Variants in CIITA observed in about 807,000 individuals in gnomAD.
The protein encoded by CIITA is MHC class II transactivator.
In CIITA, 72 loss-of-function variants were observed where a neutral mutation model predicts 115.1. That is an observed-to-expected ratio of 0.63 (90% CI 0.52 to 0.76). The LOEUF is 0.76. Among genes scored for constraint, CIITA ranks in the 30% least tolerant of loss-of-function variants. The pLI is 0.00. For synonymous variants in CIITA, 763 were observed against 635.6 expected, an observed-to-expected ratio of 1.20 and a Z score of -3.02; for missense variants, 1,617 against 1,463.8, an observed-to-expected ratio of 1.10 and a Z score of -1.71.
At chr16:10,912,903 A>G (rs1366161113) in intron 13 of CIITA, among the ~76,000 whole-genome samples, 2 of 152,250 alleles carry the variant, frequency 1.3e-5, no homozygotes, top group Non-Finnish European at 2.9e-5. Flanking sequence ...GCATTTTCTC[A>G]GGCTTCTACT....
Position 10,906,758 on chromosome 16 carries a change from T to C in CIITA, c.1266T>C (p.Ala422=), listed in dbSNP as rs766625949. The stretch of plus-strand genomic sequence containing the variant: ...GAGTGATTGCTGTGCTGGGCAAAGC[T>C]GGTCAGGGCAAGAGCTATTGGGCTG... ...ETRVIAVLGK[A]GQGKSYWAGA... is the part of the protein sequence containing the mutation. Residue 422 remains alanine, a synonymous_variant, in exon 11 of 20, where the codon GCT becomes GCC. Coordinates refer to ENST00000324288, the MANE Select transcript of CIITA (RefSeq NM_000246.4). 1.9e-6 allele frequency: 3 copies of C among 1,610,902 alleles called. No individual in the cohort carries two copies. Among genetic ancestry groups the C allele is most frequent in the South Asian group, 1.1e-5 (1 of 91,064 alleles).
upstream of CIITA, among the ~76,000 whole-genome samples, chr16:10,874,120 A>G (rs961032993): frequency 2.6e-5 from 4 of 152,058 alleles, no homozygotes; most frequent in African/African-American, 7.2e-5. Flanking sequence ...AGTAACTGGG[A>G]TTACAGGCGT....
intron 1 of CIITA, among the ~76,000 whole-genome samples, chr16:10,871,127 C>G (rs998404397): frequency 6.6e-6 from 1 of 152,214 alleles, no homozygotes. Context: ...CCGGGCGCCC[C>G]GCCTCAGTTT....
intron 8 of CIITA, among the ~76,000 whole-genome samples, chr16:10,903,076 T>A (rs60460908): frequency 0.065 from 9,881 of 152,276 alleles, 580 homozygotes; most frequent in East Asian, 0.3. Context: ...TTATTTTTTT[T>A]AAATGTTTTT....
chr16:10,917,067 T>A (rs979503353), intron 15 of CIITA: 2 of 225,394 alleles, frequency 8.9e-6, no homozygotes, highest in African/African-American at 4.5e-5. Context: ...ATAGGAGAGA[T>A]AGATTAGGAT....
At position 10,924,613 on chromosome 16, in the gene CIITA, G is replaced by GCAAC. The variant is rs1451262504; in HGVS notation, c.*760_*763dup. 1 of 152,212 alleles carries GCAAC rather than the reference G, an allele frequency of 6.6e-6. No individual in the cohort carries two copies. Among genetic ancestry groups the GCAAC allele is most frequent in the Non-Finnish European group, 1.5e-5 (1 of 68,048 alleles). 9.4% of individuals were successfully genotyped at this position (152,212 alleles called of 1,614,324 possible). A position where few individuals can be genotyped will look rare whatever the true frequency, so the allele number is the denominator to read the frequency against. On this transcript the variant is annotated 3_prime_UTR_variant, in exon 20 of 20. Coordinates refer to ENST00000324288, the MANE Select transcript of CIITA (RefSeq NM_000246.4). ...CCGGGCACTCAGAAGACACTGATGGGCAACCCCCAGCCTGCTAATTCCCCA... is the reference window on the plus strand; with the variant it reads ...CCGGGCACTCAGAAGACACTGATGGGCAACCAACCCCCAGCCTGCTAATTCCCCA...
rs1438190595 is a variant in CIITA at position 10,932,673 on chromosome 16, A to C, written c.*8818A>C. ...AAATCACACACACACACACAAAAAAACACAAACCAAAAAAAAAATTCTTTT... is the reference window on the plus strand; with the variant it reads ...AAATCACACACACACACACAAAAAACCACAAACCAAAAAAAAAATTCTTTT... On this transcript the variant is annotated 3_prime_UTR_variant, in exon 20 of 20. Coordinates refer to ENST00000324288, the MANE Select transcript of CIITA (RefSeq NM_000246.4). 6.8e-6 allele frequency: 1 copy of C among 147,472 alleles called. No homozygotes were observed. Among genetic ancestry groups the C allele is most frequent in the East Asian group, 2.0e-4 (1 of 4,992 alleles). The allele number at this position is 147,472 out of a possible 1,614,324, so 9.1% of individuals were successfully genotyped here. A position where few individuals can be genotyped will look rare whatever the true frequency, so the allele number is the denominator to read the frequency against.
rs1397013056 is a variant in CIITA, at chr16:10,922,467, G to A, written c.3294G>A (p.Arg1098=). ...AGCAGCTCGCTGCCAGCCTTCGGAG[G>A]TGTCCTCATGTGGAGACGCTGGCGT... The part of the protein sequence containing the change: ...GAQQLAASLR[R]CPHVETLAMW... Residue 1098 remains arginine (R), a synonymous_variant, in exon 18 of 20, where the codon AGG becomes AGA. Coordinates refer to ENST00000324288, the MANE Select transcript of CIITA (RefSeq NM_000246.4). 16 of 1,614,096 alleles carry A rather than the reference G, an allele frequency of 9.9e-6. No individual in the cohort carries two copies. The highest frequency in any genetic ancestry group is 1.4e-5 in the Non-Finnish European group (16 of 1,179,952).
rs747850586 is a variant in CIITA at position 10,896,597 on chromosome 16, G to C, written c.295+833G>C. Among the ~76,000 whole-genome samples the C allele has an allele frequency of 2.0e-5, 3 of 152,174 alleles. No individual in the cohort carries two copies. The South Asian group carries it at 6.2e-4, about 31-fold the overall frequency. Reference sequence around the variant, plus strand: ...CTCATACAGAGCCTATGTTGAAATAGAAAAAAGTGGCCTTTTTCTGGAGGA... The same window carrying C: ...CTCATACAGAGCCTATGTTGAAATACAAAAAAGTGGCCTTTTTCTGGAGGA... On this transcript the variant is annotated intron_variant, in intron 3 of 19. Coordinates refer to ENST00000324288, the MANE Select transcript of CIITA (RefSeq NM_000246.4).
chr16:10,886,263 A>C (rs193103164), intron 1 of CIITA, among the ~76,000 whole-genome samples: 1 of 151,958 alleles, frequency 6.6e-6, no homozygotes, highest in Non-Finnish European at 1.5e-5. Context: ...TGCATTCTGT[A>C]CTATGTTTTT....
intron 1 of CIITA, among the ~76,000 whole-genome samples, chr16:10,890,247 G>A (rs893005472): frequency 5.9e-5 from 9 of 151,766 alleles, no homozygotes; most frequent in African/African-American, 1.9e-4. Flanking sequence ...GATGGGGAGC[G>A]TGGCCAGACC....
At position 10,915,613 on chromosome 16, in the gene CIITA, C is replaced by A. The variant is rs1003764418; in HGVS notation, c.2932C>A (p.Arg978=). Reference sequence around the variant, plus strand: ...CCCCCAGGCTTTCCCCAAACTGGTGCGGATCCTCACGGCCTTTTCCTCCCT... The same window carrying A: ...CCCCCAGGCTTTCCCCAAACTGGTGAGGATCCTCACGGCCTTTTCCTCCCT... ...SGPQAFPKLV[R]ILTAFSSLQH... is the part of the protein sequence containing the mutation. The change falls in exon 14 of 20, where the codon CGG becomes AGG. Residue 978 remains arginine, a synonymous_variant. Coordinates refer to ENST00000324288, the MANE Select transcript of CIITA (RefSeq NM_000246.4). 67 of 1,614,110 alleles carry A rather than the reference C, an allele frequency of 4.2e-5. No individual in the cohort carries two copies. Among genetic ancestry groups the A allele is most frequent in the Non-Finnish European group, 5.6e-5 (66 of 1,179,990 alleles).
At chr16:10,890,572 G>A (rs2037461037) in intron 1 of CIITA, among the ~76,000 whole-genome samples, 1 of 152,172 alleles carries the variant, frequency 6.6e-6, no homozygotes, top group Non-Finnish European at 1.5e-5. Flanking sequence ...CTACAGATGT[G>A]AGCCACCATG....
At chr16:10,915,048 T>C (rs1188141189) in intron 13 of CIITA, 3 of 456,116 alleles carry the variant, frequency 6.6e-6, no homozygotes, top group African/African-American at 2.0e-5. Context: ...TTTTCTTTTC[T>C]TTTTTTGTTT....
rs2040753391 is a variant in CIITA at position 10,930,800 on chromosome 16, G to A, written c.*6945G>A. On this transcript the variant is annotated 3_prime_UTR_variant, in exon 20 of 20. Transcript: ENST00000324288. The stretch of plus-strand genomic sequence containing the variant: ...AGGTCGACCTGCCCTTCTTTGCTGA[G>A]GCCTTTCTCTGCCTCCAGAGCCTGC... 1 of 152,248 alleles carries A rather than the reference G, an allele frequency of 6.6e-6. No individual in the cohort carries two copies. Among genetic ancestry groups the A allele is most frequent in the Non-Finnish European group, 1.5e-5 (1 of 68,078 alleles). 9.4% of individuals were successfully genotyped at this position (152,248 alleles called of 1,614,324 possible). A position where few individuals can be genotyped will look rare whatever the true frequency, so the allele number is the denominator to read the frequency against.
In CIITA at chr16:10,901,666, C is replaced by A; in HGVS notation, c.481+108C>A. 2.5e-6 allele frequency: 3 copies of A among 1,215,878 alleles called. No homozygotes were observed. Among genetic ancestry groups the A allele is most frequent in the Non-Finnish European group, 3.5e-6 (3 of 845,294 alleles). The allele number at this position is 1,215,878 out of a possible 1,614,324, so 75.3% of individuals were successfully genotyped here. A position where few individuals can be genotyped will look rare whatever the true frequency, so the allele number is the denominator to read the frequency against. On this transcript the variant is annotated intron_variant, in intron 6 of 19. Transcript: ENST00000324288. This position sits in a 1 kb window ranked among gnomAD's most constrained non-coding sequence, Gnocchi z 6.8. The stretch of plus-strand genomic sequence containing the variant: ...CTGATGGGGATGGTGCATGGTGCAG[C>A]CCCTGCCCTTCTTTGGGTAGAGGCT...
At chr16:10,918,377 TTGAGGTCAAAG>T in intron 15 of CIITA, 52 bp from the exon 16 acceptor site, 1 of 1,409,320 alleles carries the variant, frequency 7.1e-7, no homozygotes, top group South Asian at 1.2e-5. Flanking sequence ...AGAACTCTCC[TTGAGGTCAAAG>T]TGAGGCATGC....
rs1019763521 is a variant in CIITA, at chr16:10,920,126, G to C, written c.3149+1600G>C. ...ATGGTGGAAGTAGGGGAGGTCAGGG[G>C]AATCCAGATCACACAGGGAGGCCCT... On this transcript the variant is annotated intron_variant, in intron 16 of 19. Transcript: ENST00000324288. This position sits in a 1 kb window ranked among gnomAD's most constrained non-coding sequence, Gnocchi z 4.5. Among the ~76,000 whole-genome samples, 3 of 152,206 alleles carry C rather than the reference G, an allele frequency of 2.0e-5. No individual in the cohort carries two copies. The highest frequency in any genetic ancestry group is 7.2e-5 in the African/African-American group (3 of 41,438).
Position 10,898,979 on chromosome 16 carries a change from T to C in CIITA, c.413T>C (p.Val138Ala), listed in dbSNP as rs142469968. The C allele has an allele frequency of 1.3e-4, 206 of 1,613,998 alleles. No individual in the cohort carries two copies. In the African/African-American group the frequency reaches 2.2e-3, roughly 18 times the overall value. ...IGESMEMPAE[V>A]GQKSQKRPFP... is the part of the protein sequence containing the mutation. Reference sequence around the variant, plus strand: ...GAGAGTATGGAGATGCCAGCAGAAGTTGGGCAGAAAAGTCAGAAAAGACGT... The same window carrying C: ...GAGAGTATGGAGATGCCAGCAGAAGCTGGGCAGAAAAGTCAGAAAAGACGT... The change falls in exon 5 of 20, where the codon GTT (valine) becomes GCT (alanine). Residue 138 changes from valine to alanine, a missense_variant. Val to Ala is a moderately conservative substitution (Grantham distance 64). Transcript: ENST00000324288.
Sources: allele counts gnomAD v4.1 joint callset (sites outside exome capture counted in the v4.1 genomes callset), GRCh38; gene constraint gnomAD v4.1.1; non-coding constraint Gnocchi (gnomAD v3.1); transcripts MANE v1.5; gene names NCBI Gene and HGNC (gene_info 2026-07-23, HGNC 2026-07-21).